Variants in GABRB1 observed in about 807,000 individuals in gnomAD.
GABRB1 encodes gamma-aminobutyric acid type A receptor subunit beta1, also known as gamma-aminobutyric acid receptor subunit beta-1.
A neutral mutation model predicts 51.6 loss-of-function variants in GABRB1; 17 were observed. That is an observed-to-expected ratio of 0.33 (90% CI 0.23 to 0.49). The LOEUF (loss-of-function observed/expected upper bound fraction) is 0.49. Ranked by LOEUF, GABRB1 falls within the 20% of genes least tolerant of loss-of-function variation. The pLI is 0.99. For synonymous variants in GABRB1, 247 were observed against 218.9 expected (o/e 1.13, Z -1.14); for missense variants, 410 against 600.6 (o/e 0.68, Z 3.32).
chr4:47,135,294 C>T (rs550904612), intron 3 of GABRB1, among the ~76,000 whole-genome samples: 27 of 152,084 alleles, frequency 1.8e-4, no homozygotes, highest in African/African-American at 3.9e-4. Context: ...CACATGTATG[C>T]GGAGATAGCC....
At chr4:47,243,263 A>G (rs1721604855) in intron 4 of GABRB1, among the ~76,000 whole-genome samples, 2 of 152,160 alleles carry the variant, frequency 1.3e-5, no homozygotes, top group African/African-American at 4.8e-5. Flanking sequence ...TTTGGTAAAA[A>G]GTACCATGCT....
chr4:47,130,164 A>C (rs1362539038), intron 3 of GABRB1, among the ~76,000 whole-genome samples: 2 of 152,094 alleles, frequency 1.3e-5, no homozygotes, highest in Non-Finnish European at 2.9e-5. Context: ...CCAAAATGTA[A>C]GCTTGATCAT....
At chr4:47,313,768 A>AT (rs1724788553) in intron 4 of GABRB1, among the ~76,000 whole-genome samples, 1 of 152,048 alleles carries the variant, frequency 6.6e-6, no homozygotes, top group Non-Finnish European at 1.5e-5. Context: ...ATTCATGAAT[A>AT]TGTGCTTGTG....
intron 4 of GABRB1, among the ~76,000 whole-genome samples, chr4:47,276,370 G>T (rs1420913014): frequency 6.6e-6 from 1 of 151,920 alleles, no homozygotes. Flanking sequence ...ATCTTTCAGG[G>T]AAGCTCAATA....
At chr4:47,252,553 G>A (rs1722037138) in intron 4 of GABRB1, among the ~76,000 whole-genome samples, 1 of 134,654 alleles carries the variant, frequency 7.4e-6, no homozygotes, top group Non-Finnish European at 1.5e-5. Context: ...TGTCACCCAG[G>A]CTGGAGTGTA....
At chr4:47,299,809 T>C (rs1416948869) in intron 4 of GABRB1, among the ~76,000 whole-genome samples, 1 of 152,106 alleles carries the variant, frequency 6.6e-6, no homozygotes, top group African/African-American at 2.4e-5. Context: ...ATTGCAGCAC[T>C]ATTCACAATA....
At chr4:47,361,130 T>C (rs1053163377) in intron 5 of GABRB1, among the ~76,000 whole-genome samples, 1 of 152,000 alleles carries the variant, frequency 6.6e-6, no homozygotes, top group Non-Finnish European at 1.5e-5. Flanking sequence ...CAGAAGCTAG[T>C]GACAAGAAAA....
intron 3 of GABRB1, among the ~76,000 whole-genome samples, chr4:47,112,063 G>A (rs979229739): frequency 1.2e-4 from 18 of 150,602 alleles, no homozygotes; most frequent in Admixed American, 1.1e-3. Context: ...TCCACCTCCC[G>A]GGTTCAAGCG....
intron 5 of GABRB1, among the ~76,000 whole-genome samples, chr4:47,329,612 C>G (rs200740428): frequency 1.4e-5 from 2 of 147,994 alleles, no homozygotes; most frequent in Non-Finnish European, 3.0e-5. Context: ...CTCTCTTGCT[C>G]TCTGTCTGTC....
intron 4 of GABRB1, among the ~76,000 whole-genome samples, chr4:47,269,706 TA>T (rs1349760679): frequency 2.6e-5 from 4 of 152,094 alleles, no homozygotes; most frequent in Admixed American, 6.6e-5. Flanking sequence ...TATAGCTACT[TA>T]ACATGTATTA....
intron 3 of GABRB1, among the ~76,000 whole-genome samples, chr4:47,039,561 T>C (rs991889938): frequency 2.0e-5 from 3 of 152,114 alleles, no homozygotes; most frequent in African/African-American, 7.2e-5. Flanking sequence ...TCTTGGTCTA[T>C]GTGGTAGGTG....
In GABRB1 at chr4:47,031,919, A is replaced by G. The variant is rs148675961; in HGVS notation, c.86A>G (p.Asn29Ser). 1.8e-5 allele frequency: 29 copies of G among 1,613,936 alleles called. No homozygotes were observed. The Middle Eastern group carries it at 5.0e-4, about 28-fold the overall frequency. ...ITMVCCAHSTNEPSNMSYVKE... is the reference protein window; with the variant it reads ...ITMVCCAHSTSEPSNMSYVKE... Reference sequence around the variant, plus strand: ...TCCCTACTTCTTCCCCTTAGCACCAATGAACCCAGCAACATGTCATACGTG... The same window carrying G: ...TCCCTACTTCTTCCCCTTAGCACCAGTGAACCCAGCAACATGTCATACGTG... Residue 29 changes from asparagine (N) to serine (S), a missense_variant, in exon 2 of 9, where the codon AAT becomes AGT. Asn to Ser is a conservative substitution (Grantham distance 46). This residue lies in a region of GABRB1 where 56 missense variants were observed against 54.8 expected (regional missense o/e 1.02). Transcript: ENST00000295454.
chr4:47,190,542 C>A (rs932381258), intron 4 of GABRB1, among the ~76,000 whole-genome samples: 1 of 152,112 alleles, frequency 6.6e-6, no homozygotes, highest in Non-Finnish European at 1.5e-5. Context: ...CCATCACAAT[C>A]ATTTTCAAAG....
intron 3 of GABRB1, among the ~76,000 whole-genome samples, chr4:47,092,601 GTTTC>G (rs981548593): frequency 4.0e-5 from 6 of 149,656 alleles, no homozygotes; most frequent in African/African-American, 7.5e-5. Context: ...TTGGCATCCA[GTTTC>G]TTTCTTTTTT....
chr4:47,203,012 G>A (rs1242446600), intron 4 of GABRB1, among the ~76,000 whole-genome samples: 1 of 152,120 alleles, frequency 6.6e-6, no homozygotes, highest in African/African-American at 2.4e-5. Flanking sequence ...AAGAAATGAA[G>A]ACTCTACTGC....
chr4:47,213,168 T>C (rs7660967), intron 4 of GABRB1, among the ~76,000 whole-genome samples: 19,189 of 152,164 alleles, frequency 0.13, 1,389 homozygotes, highest in Non-Finnish European at 0.15. Flanking sequence ...TTTTCCTGCA[T>C]AGCCTCTCCA....
At chr4:47,083,441 C>T (rs562365929) in intron 3 of GABRB1, among the ~76,000 whole-genome samples, 72 of 152,208 alleles carry the variant, frequency 4.7e-4, no homozygotes, top group African/African-American at 1.7e-3. Flanking sequence ...TTTTCATGTC[C>T]AATTTTATGA....
At chr4:47,299,155 T>A (rs2109934934) in intron 4 of GABRB1, among the ~76,000 whole-genome samples, 1 of 152,188 alleles carries the variant, frequency 6.6e-6, no homozygotes, top group South Asian at 2.1e-4. Flanking sequence ...AACCTAGGTA[T>A]TACCATTCAG....
chr4:47,250,297 G>A (rs1721936527), intron 4 of GABRB1, among the ~76,000 whole-genome samples: 1 of 152,286 alleles, frequency 6.6e-6, no homozygotes, highest in African/African-American at 2.4e-5. Context: ...CTTTTAGCTT[G>A]TAGGGTTTCT....
Sources: gnomAD v4.1 joint callset for allele counts (sites outside exome capture counted in the v4.1 genomes callset) on GRCh38, gnomAD v4.1.1 for gene constraint, gnomAD v4.1.1 regional missense constraint, MANE v1.5 for transcripts, NCBI Gene and HGNC (gene_info 2026-07-23, HGNC 2026-07-21) for gene names.